Variants in KALRN observed in about 807,000 individuals in gnomAD.
The protein encoded by KALRN is kalirin.
A neutral mutation model predicts 353.7 loss-of-function variants in KALRN; 70 were observed. The ratio of observed to expected loss-of-function variants is 0.20; its 90% CI spans 0.16 to 0.24. KALRN has a LOEUF of 0.24. KALRN is among the 10% of genes least tolerant of loss of function. The pLI is 1.00. For synonymous variants in KALRN, 1,391 were observed against 1,434.8 expected (o/e 0.97, Z 0.69); for missense variants, 2,791 against 3,756.7 (o/e 0.74, Z 6.72).
intron 13 of KALRN, among the ~76,000 whole-genome samples, chr3:124,411,020 A>G (rs2150235770): frequency 6.6e-6 from 1 of 152,368 alleles, no homozygotes; most frequent in East Asian, 1.9e-4. Flanking sequence ...CAGCTGTAGC[A>G]AGGAATGAAC....
intron 33 of KALRN, among the ~76,000 whole-genome samples, chr3:124,509,973 A>G (rs1577578243): frequency 6.6e-6 from 1 of 152,190 alleles, no homozygotes; most frequent in South Asian, 2.1e-4. Flanking sequence ...GCAAGGGAGG[A>G]TACAGAAAAG....
chr3:124,623,495 A>G (rs2079562206), intron 34 of KALRN, among the ~76,000 whole-genome samples: 1 of 151,946 alleles, frequency 6.6e-6, no homozygotes, highest in African/African-American at 2.4e-5. Flanking sequence ...CTGAGAAGCA[A>G]GGAGAGCCAG....
At chr3:124,529,807 C>T (rs1338566101) in intron 33 of KALRN, among the ~76,000 whole-genome samples, 1 of 147,448 alleles carries the variant, frequency 6.8e-6, no homozygotes, top group Non-Finnish European at 1.5e-5. Context: ...AAAAAAAAAG[C>T]ACCAAGGGCC....
intron 34 of KALRN, among the ~76,000 whole-genome samples, chr3:124,616,706 C>T (rs1477762279): frequency 2.0e-5 from 3 of 152,196 alleles, no homozygotes; most frequent in Non-Finnish European, 4.4e-5. Flanking sequence ...TAGCTCATGC[C>T]TGTAATCCCA....
intron 29 of KALRN, among the ~76,000 whole-genome samples, chr3:124,490,084 C>A (rs2062983296): frequency 6.6e-6 from 1 of 152,084 alleles, no homozygotes; most frequent in South Asian, 2.1e-4. Context: ...CATAGGGAGA[C>A]CTTGTCTCTA....
rs35593044 is a variant in KALRN at position 124,634,701 on chromosome 3, CT to C, written c.5568+757del. Among the ~76,000 whole-genome samples, 282 of 151,800 alleles carry C rather than the reference CT, an allele frequency of 1.9e-3. 1 individual carries two copies. Among genetic ancestry groups the C allele is most frequent in the African/African-American group, 6.5e-3 (269 of 41,414 alleles). On this transcript the variant is annotated intron_variant, in intron 36 of 59. Transcript: ENST00000682506. ...CCTTGCAGCTCTGCTTTCACATCAC[CT>C]TTTTTTTTCTGCCTTAAGTGTTGCT...
At chr3:124,668,281 T>G (rs1230361709) in intron 47 of KALRN, among the ~76,000 whole-genome samples, 1 of 152,210 alleles carries the variant, frequency 6.6e-6, no homozygotes, top group Non-Finnish European at 1.5e-5. Context: ...TACAGCATTT[T>G]CTGGATGTCT....
chr3:124,721,456 G>A lies in KALRN; in HGVS notation c.*1986G>A, dbSNP rs1489414232. On this transcript the variant is annotated 3_prime_UTR_variant, in exon 60 of 60. Transcript: ENST00000682506. Reference sequence around the variant, plus strand: ...CTTTATGTATTTACAAACACTCTATGATACAATACATAAAAATTTAAAACA... The same window carrying A: ...CTTTATGTATTTACAAACACTCTATAATACAATACATAAAAATTTAAAACA... 1 of 151,876 alleles carries A rather than the reference G, an allele frequency of 6.6e-6. No homozygotes were observed. The highest frequency in any genetic ancestry group is 2.4e-5 in the African/African-American group (1 of 41,324). 9.4% of individuals were successfully genotyped at this position (151,876 alleles called of 1,614,324 possible).
At chr3:124,327,295 A>G (rs1361507485) in intron 7 of KALRN, among the ~76,000 whole-genome samples, 1 of 152,230 alleles carries the variant, frequency 6.6e-6, no homozygotes, top group East Asian at 1.9e-4. Flanking sequence ...TTCAGCAAAG[A>G]AGTTGCTGAC....
chr3:124,238,231 T>A (rs1233890003), intron 3 of KALRN, among the ~76,000 whole-genome samples: 1 of 147,504 alleles, frequency 6.8e-6, no homozygotes, highest in African/African-American at 2.6e-5. Context: ...GGCATGAAGA[T>A]GAAGAAAAAA....
intron 35 of KALRN, among the ~76,000 whole-genome samples, chr3:124,633,361 A>G (rs907951353): frequency 6.6e-6 from 1 of 152,326 alleles, no homozygotes; most frequent in Admixed American, 6.5e-5. Flanking sequence ...GGTTGGGGAA[A>G]TGAGATACCT....
chr3:124,482,774 T>G, intron 27 of KALRN, 34 bp from the exon 28 acceptor site: 1 of 1,413,976 alleles, frequency 7.1e-7, no homozygotes, highest in Non-Finnish European at 1.0e-6. Context: ...CACACCCCTC[T>G]GTGTCTAATT....
chr3:124,184,757 C>G (rs566390909), intron 1 of KALRN, among the ~76,000 whole-genome samples: 1 of 152,124 alleles, frequency 6.6e-6, no homozygotes, highest in African/African-American at 2.4e-5. Flanking sequence ...ATGTATCTTC[C>G]AGCCAAATTT....
In KALRN at chr3:124,492,222, A is replaced by T. The variant is rs537083118; in HGVS notation, c.4690-518A>T. Among the ~76,000 whole-genome samples, 137 of 152,378 alleles carry T rather than the reference A, an allele frequency of 9.0e-4. No individual in the cohort carries two copies. In the South Asian group the frequency reaches 9.3e-3, roughly 10 times the overall value. On this transcript the variant is annotated intron_variant, in intron 31 of 59. Coordinates refer to ENST00000682506, the MANE Select transcript of KALRN (RefSeq NM_001388419.1). ...AAATTCTACCAAGACAAATGGGATC[A>T]TCATAAAATGATAGCAGTGCCTTTA...
At chr3:124,100,289 T>C (rs2061759628) in intron 1 of KALRN, 1 of 152,248 alleles carries the variant, frequency 6.6e-6, no homozygotes, top group South Asian at 2.1e-4. Context: ...AGTCCCATGT[T>C]GGATTAACAA....
intron 1 of KALRN, among the ~76,000 whole-genome samples, chr3:124,127,810 A>G (rs146670168): frequency 1.6e-3 from 241 of 152,324 alleles, no homozygotes; most frequent in African/African-American, 5.4e-3. Context: ...GCAAAGCTAT[A>G]CAATTTCATT....
chr3:124,538,453 ATTTGGATGAGT>A, intron 33 of KALRN, among the ~76,000 whole-genome samples: 1 of 152,146 alleles, frequency 6.6e-6, no homozygotes, highest in Non-Finnish European at 1.5e-5. Context: ...AAGGTGGGAC[ATTTGGATGAGT>A]TTTTAAAGCA....
At chr3:124,405,674 C>T (rs1250475202) in intron 13 of KALRN, among the ~76,000 whole-genome samples, 2 of 140,330 alleles carry the variant, frequency 1.4e-5, no homozygotes, top group Admixed American at 7.4e-5. Flanking sequence ...GACGGAGTCT[C>T]GCTCTGTCAG....
chr3:124,629,419 A>G (rs1458928530), intron 34 of KALRN, among the ~76,000 whole-genome samples: 1 of 152,196 alleles, frequency 6.6e-6, no homozygotes, highest in Non-Finnish European at 1.5e-5. Flanking sequence ...GTCATTTCCC[A>G]GTAGTCTCAT....
Sources: allele counts gnomAD v4.1 joint callset (sites outside exome capture counted in the v4.1 genomes callset), GRCh38; gene constraint gnomAD v4.1.1; transcripts MANE v1.5; gene names NCBI Gene and HGNC (gene_info 2026-07-23, HGNC 2026-07-21).